FLI1: variants seen among roughly 807,000 people sequenced by gnomAD.
FLI1 encodes Fli-1 proto-oncogene, ETS transcription factor.
In FLI1, 13 loss-of-function variants were observed where a neutral mutation model predicts 53.1. The ratio of observed to expected loss-of-function variants is 0.24; its 90% confidence interval spans 0.16 to 0.39. The LOEUF is 0.39. Among genes scored for constraint, FLI1 ranks in the 10% least tolerant of loss-of-function variants. The probability of loss-of-function intolerance (pLI) is 1.00; values close to 1 mark genes in which losing one functional copy is unlikely to be tolerated. For synonymous variants in FLI1, 244 were observed against 236.7 expected, an observed-to-expected ratio of 1.03 and a Z score of -0.28; for missense variants, 424 against 600.5, an observed-to-expected ratio of 0.71 and a Z score of 3.07.
chr11:128,786,112 C>T (rs1336004156), intron 5 of FLI1, among the ~76,000 whole-genome samples: 1 of 152,198 alleles, frequency 6.6e-6, no homozygotes, highest in Non-Finnish European at 1.5e-5. Context: ...GACTCCTGGG[C>T]ATTGGAAATG....
rs200994669 is a variant in FLI1 at position 128,713,980 on chromosome 11, A to AGTG, written c.18+19705_18+19707dup. On this transcript the variant is annotated intron_variant, in intron 1 of 8. Coordinates refer to ENST00000527786, the MANE Select transcript of FLI1 (RefSeq NM_002017.5). The stretch of plus-strand genomic sequence containing the variant: ...TCTCTTCTTCAGTAAAGGCAAGTAG[A>AGTG]GTGTAATGAAGAATACTGTGAGAGG... 1.1e-3 allele frequency among the ~76,000 whole-genome samples: 161 copies of AGTG among 152,314 alleles called. 1 individual carries two copies. Among genetic ancestry groups the AGTG allele is most frequent in the Admixed American group, 9.3e-3 (143 of 15,304 alleles).
chr11:128,698,123 AG>A (rs1938166661), intron 1 of FLI1, among the ~76,000 whole-genome samples: 2 of 152,204 alleles, frequency 1.3e-5, no homozygotes, highest in Admixed American at 1.3e-4. Context: ...TGGCTCTGCA[AG>A]GCTCTGGAGG....
At chr11:128,797,804 A>G (rs987319393) in intron 5 of FLI1, among the ~76,000 whole-genome samples, 1 of 152,156 alleles carries the variant, frequency 6.6e-6, no homozygotes, top group Non-Finnish European at 1.5e-5. Context: ...GGTGCTTAAG[A>G]TACAACCCCT....
intron 2 of FLI1, among the ~76,000 whole-genome samples, chr11:128,760,175 A>G (rs1054519772): frequency 6.6e-6 from 1 of 152,140 alleles, no homozygotes; most frequent in African/African-American, 2.4e-5. Context: ...GTTTTCCCAT[A>G]TTATCTTACC....
intron 1 of FLI1, chr11:128,748,091 A>T (rs1467579991): frequency 1.1e-5 from 2 of 176,608 alleles, no homozygotes; most frequent in Non-Finnish European, 2.2e-5. Flanking sequence ...ACAGAAGGCC[A>T]TGGCTCTGGA....
At chr11:128,692,438 C>T (rs1051400107), upstream of FLI1, among the ~76,000 whole-genome samples, 1 of 139,220 alleles carries the variant, frequency 7.2e-6, no homozygotes, top group African/African-American at 2.7e-5. Context: ...CCACCATCCA[C>T]CCCACCCCCA....
At chr11:128,689,390 C>CT (rs926185129), upstream of FLI1, among the ~76,000 whole-genome samples, 3 of 152,166 alleles carry the variant, frequency 2.0e-5, no homozygotes, top group Non-Finnish European at 4.4e-5. Flanking sequence ...CAGGGTCCTC[C>CT]TTTTTTTCTC....
intron 1 of FLI1, among the ~76,000 whole-genome samples, chr11:128,749,094 G>A (rs1210893344): frequency 6.6e-6 from 1 of 152,124 alleles, no homozygotes; most frequent in African/African-American, 2.4e-5. Flanking sequence ...CCCTCACTGT[G>A]TGAACCTAGA....
intron 5 of FLI1, among the ~76,000 whole-genome samples, chr11:128,788,330 G>T (rs1942162206): frequency 6.6e-6 from 1 of 152,036 alleles, no homozygotes; most frequent in African/African-American, 2.4e-5. Context: ...TTAGTCAGGT[G>T]TGGTGGCATG....
chr11:128,773,822 C>T (rs1311299147), intron 4 of FLI1, among the ~76,000 whole-genome samples: 1 of 151,590 alleles, frequency 6.6e-6, no homozygotes, highest in Non-Finnish European at 1.5e-5. Flanking sequence ...GTCCTGGGGC[C>T]TGAAAAGATG....
intron 1 of FLI1, among the ~76,000 whole-genome samples, chr11:128,737,436 C>T (rs143018974): frequency 1.3e-5 from 2 of 152,316 alleles, no homozygotes; most frequent in African/African-American, 4.8e-5. Context: ...CATGGTCCTC[C>T]TCTCTAATGT....
chr11:128,783,434 G>C (rs979557277), intron 5 of FLI1, among the ~76,000 whole-genome samples: 1 of 152,104 alleles, frequency 6.6e-6, no homozygotes, highest in African/African-American at 2.4e-5. Context: ...TTTTTCATTT[G>C]TTTCCTTCTC....
At chr11:128,731,303 T>TG (rs5795634) in intron 1 of FLI1, among the ~76,000 whole-genome samples, 18 of 152,076 alleles carry the variant, frequency 1.2e-4, no homozygotes, top group African/African-American at 4.1e-4. Flanking sequence ...GACCTAAATG[T>TG]GGGGGGGTTG....
chr11:128,708,133 C>T (rs1230890512), intron 1 of FLI1, among the ~76,000 whole-genome samples: 1 of 152,186 alleles, frequency 6.6e-6, no homozygotes, highest in Non-Finnish European at 1.5e-5. Flanking sequence ...AGGTGGGTGC[C>T]TTGGTTTCCC....
rs11297251 is a variant in FLI1, at chr11:128,694,478, AC to A, written c.18+205del. ...CGGCCAGGCGCCCGCATTGAGGGCG[AC>A]CCTCCCCCGAAATCCCAGCCCCCAA... On this transcript the variant is annotated intron_variant, in intron 1 of 8. Transcript: ENST00000527786. 1 allele frequency among the ~76,000 whole-genome samples: 152,134 copies of A among 152,134 alleles called. 76,067 individuals carry two copies. Among genetic ancestry groups the A allele is most frequent in the Non-Finnish European group, 1 (67,962 of 67,962 alleles).
At chr11:128,733,503 G>A (rs1216733478) in intron 1 of FLI1, among the ~76,000 whole-genome samples, 1 of 152,190 alleles carries the variant, frequency 6.6e-6, no homozygotes, top group Non-Finnish European at 1.5e-5. Flanking sequence ...GATGCTGAGT[G>A]AACACGGTCA....
chr11:128,781,935 C>T lies in FLI1; in HGVS notation c.590-23C>T, dbSNP rs768751571. ...TCTCAGAAGAACATTTTGGTTATAACCTGTTTATGTTTTGCCTCTCAGGTT... is the reference window on the plus strand; with the variant it reads ...TCTCAGAAGAACATTTTGGTTATAATCTGTTTATGTTTTGCCTCTCAGGTT... On this transcript the variant is annotated intron_variant, in intron 4 of 8. Transcript: ENST00000527786. The T allele has an allele frequency of 6.9e-6, 11 of 1,603,764 alleles. No individual in the cohort carries two copies. The East Asian group carries it at 2.2e-4, about 33-fold the overall frequency.
At chr11:128,719,100 C>G (rs1939140897) in intron 1 of FLI1, among the ~76,000 whole-genome samples, 1 of 151,992 alleles carries the variant, frequency 6.6e-6, no homozygotes, top group African/African-American at 2.4e-5. Context: ...AATTACGGAG[C>G]TTTGGGACTC....
At chr11:128,761,034 A>G (rs1002881299) in intron 2 of FLI1, among the ~76,000 whole-genome samples, 1 of 151,422 alleles carries the variant, frequency 6.6e-6, no homozygotes, top group African/African-American at 2.4e-5. Flanking sequence ...CTTGCTCAAA[A>G]CTCTTCAATG....
Sources: gnomAD v4.1 joint callset for allele counts (sites outside exome capture counted in the v4.1 genomes callset) on GRCh38, gnomAD v4.1.1 for gene constraint, MANE v1.5 for transcripts, NCBI Gene and HGNC (gene_info 2026-07-23, HGNC 2026-07-21) for gene names.